FOXN4: variants seen among roughly 807,000 people sequenced by gnomAD.
FOXN4 encodes forkhead box protein N4.
A neutral mutation model predicts 45.0 loss-of-function variants in FOXN4; 12 were observed. The ratio of observed to expected loss-of-function variants is 0.27; its 90% confidence interval spans 0.17 to 0.43. The LOEUF (loss-of-function observed/expected upper bound fraction) is 0.43, where lower values mean the gene tolerates loss of function less well. Ranked by LOEUF, FOXN4 falls within the 20% of genes least tolerant of loss-of-function variation. The pLI is 1.00. For synonymous variants in FOXN4, 297 were observed against 295.0 expected (o/e 1.01, Z -0.07); for missense variants, 560 against 694.9 (o/e 0.81, Z 2.18).
intron 8 of FOXN4, 48 bp from the exon 9 acceptor site, chr12:109,281,847 G>C (rs776847135): frequency 6.6e-7 from 1 of 1,510,242 alleles, no homozygotes; most frequent in East Asian, 2.3e-5. Context: ...AGCAGTTACC[G>C]GGCCCCAGCC....
rs2047732936 is a variant in FOXN4, at chr12:109,288,103, G to T, written c.310C>A (p.Pro104Thr). Reference protein sequence around the residue: ...PLLHGPAGMAPRGMPGLGPIT... With the variant: ...PLLHGPAGMATRGMPGLGPIT... ...GGGCCCAGACCTGGCATGCCTCGGG[G>T]GGCCATGCCTGCTGGGCCATGGAGA... The change falls in exon 4 of 10, where the codon CCC (proline) becomes ACC (threonine). Residue 104 changes from proline to threonine, a missense_variant. Physicochemically the swap from Pro to Thr is conservative, Grantham distance 38. This residue lies in a region of FOXN4 where 142 missense variants were observed against 185.7 expected (regional missense o/e 0.76). Transcript: ENST00000299162. This position sits in a 1 kb window ranked among gnomAD's most constrained non-coding sequence, Gnocchi z 4.3. The T allele has an allele frequency of 4.5e-6, 7 of 1,547,262 alleles. No individual in the cohort carries two copies. The highest frequency in any genetic ancestry group is 6.1e-6 in the Non-Finnish European group (7 of 1,145,804).
intron 8 of FOXN4, among the ~76,000 whole-genome samples, chr12:109,282,584 G>A (rs759448736): frequency 6.6e-6 from 1 of 152,140 alleles, no homozygotes; most frequent in Non-Finnish European, 1.5e-5. Flanking sequence ...GTAAGGCCGC[G>A]ATTACAAATC....
At chr12:109,308,584 A>T (rs1478034805) in intron 1 of FOXN4, among the ~76,000 whole-genome samples, 2 of 152,216 alleles carry the variant, frequency 1.3e-5, no homozygotes, top group Non-Finnish European at 2.9e-5. Flanking sequence ...GGGAAGAGCA[A>T]GGGAAGCTCT....
chr12:109,304,291 GAAAGGAGAA>G (rs1566005742), intron 2 of FOXN4, among the ~76,000 whole-genome samples: 1 of 44,564 alleles, frequency 2.2e-5, no homozygotes, highest in African/African-American at 1.1e-4. Context: ...AAGAAAGAAA[GAAAGGAGAA>G]AGAAAGAAGG....
intron 2 of FOXN4, among the ~76,000 whole-genome samples, chr12:109,304,285 A>AAG (rs761338526): frequency 5.6e-4 from 32 of 57,318 alleles, no homozygotes; most frequent in African/African-American, 2.2e-3. Context: ...GAAAGAAAGA[A>AAG]AGAAAGAAAG....
chr12:109,305,753 AAAAC>A (rs998937424), intron 2 of FOXN4, among the ~76,000 whole-genome samples: 7 of 152,128 alleles, frequency 4.6e-5, no homozygotes, highest in Non-Finnish European at 7.3e-5. Context: ...AAAAAAACCA[AAAAC>A]AAACAAACAA....
intron 8 of FOXN4, 65 bp downstream of exon 8, chr12:109,285,239 T>C: frequency 7.2e-7 from 1 of 1,391,210 alleles, no homozygotes; most frequent in Non-Finnish European, 9.7e-7. Flanking sequence ...AGGTCCTTCC[T>C]CTTCCGTGTG....
intron 9 of FOXN4, 134 bp from the exon 10 acceptor site, chr12:109,280,064 C>A: frequency 7.8e-7 from 1 of 1,286,256 alleles, no homozygotes; most frequent in Admixed American, 2.1e-5. Context: ...GGCATGGGGC[C>A]GGGCCTGGTG....
chr12:109,290,366 A>G lies in FOXN4; in HGVS notation c.87-80T>C. ...GGGGTGCGTCCCGACCTCTGGAAGCACCCGCTTAATGTGCCTCATCTCCCC... is the reference window on the plus strand; with the variant it reads ...GGGGTGCGTCCCGACCTCTGGAAGCGCCCGCTTAATGTGCCTCATCTCCCC... On this transcript the variant is annotated intron_variant, in intron 2 of 9. Transcript: ENST00000299162. The surrounding 1 kb of genome is among the most constrained non-coding windows in gnomAD (Gnocchi z 5.1). 2 of 1,439,072 alleles carry G rather than the reference A, an allele frequency of 1.4e-6. No individual in the cohort carries two copies. The highest frequency in any genetic ancestry group is 2.9e-5 in the South Asian group (2 of 68,312). The allele number at this position is 1,439,072 out of a possible 1,614,324, so 89.1% of individuals were successfully genotyped here. A position where few individuals can be genotyped will look rare whatever the true frequency, so the allele number is the denominator to read the frequency against.
chr12:109,287,576 G>A lies in FOXN4; in HGVS notation c.469-52C>T. 1.4e-6 allele frequency: 2 copies of A among 1,481,362 alleles called. No individual in the cohort carries two copies. Among genetic ancestry groups the A allele is most frequent in the South Asian group, 2.8e-5 (2 of 70,914 alleles). The allele number at this position is 1,481,362 out of a possible 1,614,324, so 91.8% of individuals were successfully genotyped here. On this transcript the variant is annotated intron_variant, in intron 5 of 9. Transcript: ENST00000299162. The surrounding 1 kb of genome is among the most constrained non-coding windows in gnomAD (Gnocchi z 4.1). Reference sequence around the variant, plus strand: ...AGTGGCAGAGAAAGAGAGAAGGTGAGAAATAACATACGTCACTCACAGTAA... The same window carrying A: ...AGTGGCAGAGAAAGAGAGAAGGTGAAAAATAACATACGTCACTCACAGTAA...
chr12:109,287,557 A>G lies in FOXN4; in HGVS notation c.469-33T>C. On this transcript the variant is annotated intron_variant, in intron 5 of 9. Coordinates refer to ENST00000299162, the MANE Select transcript of FOXN4 (RefSeq NM_213596.3). This position sits in a 1 kb window ranked among gnomAD's most constrained non-coding sequence, Gnocchi z 4.1. The stretch of plus-strand genomic sequence containing the variant: ...CAGGCAGGGGCAGGGAGAAAGTGGC[A>G]GAGAAAGAGAGAAGGTGAGAAATAA... 6.7e-7 allele frequency: 1 copy of G among 1,490,752 alleles called. No homozygotes were observed. Among genetic ancestry groups the G allele is most frequent in the Non-Finnish European group, 8.9e-7 (1 of 1,121,584 alleles). The allele number at this position is 1,490,752 out of a possible 1,614,324, so 92.3% of individuals were successfully genotyped here.
In FOXN4 at chr12:109,290,076, C is replaced by T. The variant is rs1399651455; in HGVS notation, c.232+65G>A. 3.4e-6 allele frequency: 5 copies of T among 1,461,328 alleles called. No individual in the cohort carries two copies. Among genetic ancestry groups the T allele is most frequent in the Admixed American group, 4.9e-5 (2 of 40,542 alleles). The allele number at this position is 1,461,328 out of a possible 1,614,324, so 90.5% of individuals were successfully genotyped here. On this transcript the variant is annotated intron_variant, in intron 3 of 9. Coordinates refer to ENST00000299162, the MANE Select transcript of FOXN4 (RefSeq NM_213596.3). This position sits in a 1 kb window ranked among gnomAD's most constrained non-coding sequence, Gnocchi z 5.1. The stretch of plus-strand genomic sequence containing the variant: ...TCATGGCTGCACAGTGGGTGGGTGG[C>T]AGGGCTGGGAATCACCCCTCTCCTA...
chr12:109,302,748 C>T lies in FOXN4; in HGVS notation c.86+5488G>A, dbSNP rs138514334. Among the ~76,000 whole-genome samples, 229 of 152,258 alleles carry T rather than the reference C, an allele frequency of 1.5e-3. 3 individuals carry two copies. The East Asian group carries it at 0.04, about 27-fold the overall frequency. Reference sequence around the variant, plus strand: ...TTGCCGGGGGGTGGGGGTTAGATCACCATTCCAGAGATTCAGAGACATGTC... The same window carrying T: ...TTGCCGGGGGGTGGGGGTTAGATCATCATTCCAGAGATTCAGAGACATGTC... On this transcript the variant is annotated intron_variant, in intron 2 of 9. Transcript: ENST00000299162.
At chr12:109,299,750 ACACTC>A (rs1453541590) in intron 2 of FOXN4, among the ~76,000 whole-genome samples, 1 of 152,224 alleles carries the variant, frequency 6.6e-6, no homozygotes, top group African/African-American at 2.4e-5. Flanking sequence ...TGTCAGAATA[ACACTC>A]TATCATTGGT....
rs2047651535 is a variant in FOXN4 at position 109,281,486 on chromosome 12, T to C, written c.1215A>G (p.Val405=). 2 of 1,613,972 alleles carry C rather than the reference T, an allele frequency of 1.2e-6. No individual in the cohort carries two copies. Among genetic ancestry groups the C allele is most frequent in the African/African-American group, 1.3e-5 (1 of 75,048 alleles). ...LPHPAMGRAP[V]DFINISTDMN... The stretch of plus-strand genomic sequence containing the variant: ...TGTCGGTGCTGATGTTGATGAAGTC[T>C]ACAGGAGCCCTTCCCATGGCGGGGT... Residue 405 remains valine (V), a synonymous_variant, in exon 9 of 10, where the codon GTA becomes GTG. Transcript: ENST00000299162.
At chr12:109,304,288 A>AAAGAAAGAAAGAAAGAAAGAAAGAAAGG (rs1566005711) in intron 2 of FOXN4, among the ~76,000 whole-genome samples, 11 of 50,714 alleles carry the variant, frequency 2.2e-4, no homozygotes, top group African/African-American at 9.8e-4. Flanking sequence ...AGAAAGAAAG[A>AAAGAAAGAAAGAAAGAAAGAAAGAAAGG]AAGAAAGGAG....
Position 109,285,658 on chromosome 12 carries a change from CAA to C in FOXN4, c.694-149_694-148del, listed in dbSNP as rs1041578179. On this transcript the variant is annotated intron_variant, in intron 7 of 9. Transcript: ENST00000299162. ...GACACTCAGCCTCAAGTTGGAGAGACAAGAGAGAGTGCTGGGGACTGAGGCCA... is the reference window on the plus strand; with the variant it reads ...GACACTCAGCCTCAAGTTGGAGAGACGAGAGAGTGCTGGGGACTGAGGCCA... The C allele has an allele frequency of 1.1e-4, 90 of 851,278 alleles. No homozygotes were observed. In the African/African-American group the frequency reaches 1.1e-3, roughly 11 times the overall value. 52.7% of individuals were successfully genotyped at this position (851,278 alleles called of 1,614,324 possible). A position where few individuals can be genotyped will look rare whatever the true frequency, so the allele number is the denominator to read the frequency against.
chr12:109,298,647 G>A (rs1227037236), intron 2 of FOXN4, among the ~76,000 whole-genome samples: 3 of 152,192 alleles, frequency 2.0e-5, no homozygotes, highest in Non-Finnish European at 2.9e-5. Context: ...ACAGGTGTGA[G>A]CCACCACGCC....
At position 109,279,608 on chromosome 12, in the gene FOXN4, T is replaced by C. The variant is rs1480937263; in HGVS notation, c.*63A>G. On this transcript the variant is annotated 3_prime_UTR_variant, in exon 10 of 10. Transcript: ENST00000299162. ...AGGGACCTGCCTTCTGGGAACACCC[T>C]GTTCTAGTCAGTTCTCTGCCCAAGC... 2.1e-5 allele frequency: 33 copies of C among 1,545,210 alleles called. No individual in the cohort carries two copies. Among genetic ancestry groups the C allele is most frequent in the Non-Finnish European group, 2.7e-5 (31 of 1,143,094 alleles).
Sources: allele counts gnomAD v4.1 joint callset (sites outside exome capture counted in the v4.1 genomes callset), GRCh38; gene constraint gnomAD v4.1.1; regional missense constraint gnomAD v4.1.1; non-coding constraint Gnocchi (gnomAD v3.1); transcripts MANE v1.5; gene names NCBI Gene and HGNC (gene_info 2026-07-23, HGNC 2026-07-21).